Variants in MGAM2 observed in about 807,000 individuals in gnomAD.
MGAM2 encodes maltase-glucoamylase 2 (putative).
A neutral mutation model predicts 96.1 loss-of-function variants in MGAM2; 98 were observed. The ratio of observed to expected loss-of-function variants is 1.02; its 90% confidence interval spans 0.87 to 1.21. The LOEUF (loss-of-function observed/expected upper bound fraction) is 1.21. Ranked by LOEUF, MGAM2 falls within the 50% of genes most tolerant of loss-of-function variation. The pLI, the probability that MGAM2 is intolerant of heterozygous loss-of-function variation, is 0.00. For synonymous variants in MGAM2, 749 were observed against 414.8 expected, an observed-to-expected ratio of 1.81 and a Z score of -9.79; for missense variants, 2,055 against 1,182.4, an observed-to-expected ratio of 1.74 and a Z score of -10.82.
At chr7:142,150,601 C>G (rs892224644) in intron 15 of MGAM2, among the ~76,000 whole-genome samples, 1 of 152,070 alleles carries the variant, frequency 6.6e-6, no homozygotes, top group African/African-American at 2.4e-5. Context: ...GACCTCAACC[C>G]TGAACTTAGT....
chr7:142,169,749 T>C (rs181993300), intron 26 of MGAM2, among the ~76,000 whole-genome samples: 1 of 152,162 alleles, frequency 6.6e-6, no homozygotes, highest in Non-Finnish European at 1.5e-5. Context: ...CACATTTCTA[T>C]GCACATACAT....
In MGAM2 at chr7:142,199,994, T is replaced by C. The variant is rs1421584048; in HGVS notation, c.5137+26T>C. 8 of 620,298 alleles carry C rather than the reference T, an allele frequency of 1.3e-5. No individual in the cohort carries two copies. The East Asian group carries it at 1.4e-4, about 11-fold the overall frequency. 38.4% of individuals were successfully genotyped at this position (620,298 alleles called of 1,614,324 possible). Reference sequence around the variant, plus strand: ...GTGAGTATAAACTTTCCAGGGTCCCTGTACATCACTGAGAAAAATCATACC... The same window carrying C: ...GTGAGTATAAACTTTCCAGGGTCCCCGTACATCACTGAGAAAAATCATACC... On this transcript the variant is annotated intron_variant, in intron 45 of 47. Transcript: ENST00000477922.
chr7:142,186,115 T>C lies in MGAM2; in HGVS notation c.4114T>C (p.Leu1372=), dbSNP rs1354733180. The C allele has an allele frequency of 4.3e-6, 3 of 704,920 alleles. No homozygotes were observed. The highest frequency in any genetic ancestry group is 7.8e-6 in the Non-Finnish European group (3 of 384,884). 43.7% of individuals were successfully genotyped at this position (704,920 alleles called of 1,614,324 possible). A position where few individuals can be genotyped will look rare whatever the true frequency, so the allele number is the denominator to read the frequency against. ...AGAGAAGAGCTTGAAGTTTGATGGA[T>C]TGTGGATTGTAAGTGCACCCTTGGT... ...EPEKSLKFDG[L]WIDMNEPSNF... The change falls in exon 35 of 48, where the codon TTG becomes CTG. Residue 1372 remains leucine, a synonymous_variant. Transcript: ENST00000477922.
In MGAM2 at chr7:142,131,033, G is replaced by T; in HGVS notation, c.272G>T (p.Gly91Val). ...AGGTGCTTCTTCCCCTGGAACTGGG[G>T]CTATGAAGCCAGCAATGGCCATACA... The part of the protein sequence containing the change: ...VPRCFFPWNW[G>V]YEASNGHTNT... The change falls in exon 4 of 48, where the codon GGC becomes GTC. Residue 91 changes from glycine (G) to valine (V), a missense_variant. Physicochemically the swap from Gly to Val is moderately radical, Grantham distance 109 (BLOSUM62 -3). Coordinates refer to ENST00000477922, the MANE Select transcript of MGAM2 (RefSeq NM_001293626.2). 1 of 702,644 alleles carries T rather than the reference G, an allele frequency of 1.4e-6. No homozygotes were observed. Among genetic ancestry groups the T allele is most frequent in the South Asian group, 1.5e-5 (1 of 67,580 alleles). The allele number at this position is 702,644 out of a possible 1,614,324, so 43.5% of individuals were successfully genotyped here.
rs1229035123 is a variant in MGAM2 at position 142,167,371 on chromosome 7, C to A, written c.2912C>A (p.Ser971Tyr). Residue 971 changes from serine (S) to tyrosine (Y), a missense_variant, in exon 26 of 48, where the codon TCC becomes TAC. By Grantham distance (144) the Ser-to-Tyr change is moderately radical. Coordinates refer to ENST00000477922, the MANE Select transcript of MGAM2 (RefSeq NM_001293626.2). ...AACACCAGCATCACTGCAGACCTTT[C>A]CCTCCCGATGGCCCCTGAGTCAGCT... is the stretch of plus-strand genomic sequence containing the variant. Reference protein sequence around the residue: ...YLNTSITADLSLPMAPESAAA... With the variant: ...YLNTSITADLYLPMAPESAAA... 7.1e-6 allele frequency: 5 copies of A among 702,916 alleles called. No homozygotes were observed. In the East Asian group the frequency reaches 1.3e-4, roughly 19 times the overall value. The allele number at this position is 702,916 out of a possible 1,614,324, so 43.5% of individuals were successfully genotyped here.
At position 142,185,123 on chromosome 7, in the gene MGAM2, A is replaced by G. The variant is rs1237431889; in HGVS notation, c.3971A>G (p.His1324Arg). The G allele has an allele frequency of 2.8e-6, 2 of 702,998 alleles. No homozygotes were observed. Among genetic ancestry groups the G allele is most frequent in the Admixed American group, 4.0e-5 (2 of 50,026 alleles). The allele number at this position is 702,998 out of a possible 1,614,324, so 43.5% of individuals were successfully genotyped here. Reference protein sequence around the residue: ...PNVIVDGSLDHETQVKLYRAY... With the variant: ...PNVIVDGSLDRETQVKLYRAY... Reference sequence around the variant, plus strand: ...GTAATTGTAGATGGATCCCTTGACCATGAAACTCAGGTTAAGGTACAGTTG... The same window carrying G: ...GTAATTGTAGATGGATCCCTTGACCGTGAAACTCAGGTTAAGGTACAGTTG... The change falls in exon 34 of 48, where the codon CAT becomes CGT. Residue 1324 changes from histidine (H) to arginine (R), a missense_variant. Transcript: ENST00000477922.
intron 3 of MGAM2, among the ~76,000 whole-genome samples, chr7:142,123,278 G>C (rs1358403207): frequency 6.7e-6 from 1 of 150,238 alleles, no homozygotes; most frequent in African/African-American, 2.5e-5. Flanking sequence ...TCAAATTTTT[G>C]GGTATCTTCG....
chr7:142,204,465 C>G (rs898070624), intron 45 of MGAM2, among the ~76,000 whole-genome samples: 2 of 151,934 alleles, frequency 1.3e-5, no homozygotes, highest in Non-Finnish European at 2.9e-5. Context: ...ATAAGAAGCT[C>G]TAGGAGAGGC....
At chr7:142,217,523 T>C (rs1378022899) in intron 46 of MGAM2, among the ~76,000 whole-genome samples, 1 of 152,162 alleles carries the variant, frequency 6.6e-6, no homozygotes, top group Non-Finnish European at 1.5e-5. Context: ...TACAATAAAC[T>C]TATTTGTGGC....
chr7:142,210,739 G>A (rs919492144), intron 46 of MGAM2, among the ~76,000 whole-genome samples: 2 of 152,216 alleles, frequency 1.3e-5, no homozygotes, highest in African/African-American at 4.8e-5. Flanking sequence ...ACACCTGGGG[G>A]AAGGGGCTGC....
Position 142,196,805 on chromosome 7 carries a change from A to G in MGAM2, c.4621A>G (p.Ile1541Val), listed in dbSNP as rs1563289248. ...TCCATTTTCCAGAAACCACAACAAC[A>G]TCGGGACAAGGGTGAGGCAGTAGTT... ...FYPFSRNHNN[I>V]GTRRQDPVAW... is the part of the protein sequence containing the mutation. The change falls in exon 40 of 48, where the codon ATC becomes GTC. Residue 1541 changes from isoleucine (I) to valine (V), a missense_variant. By Grantham distance (29) the Ile-to-Val change is conservative (BLOSUM62 3). Coordinates refer to ENST00000477922, the MANE Select transcript of MGAM2 (RefSeq NM_001293626.2). The G allele has an allele frequency of 3.8e-6, 3 of 780,558 alleles. No individual in the cohort carries two copies. Among genetic ancestry groups the G allele is most frequent in the Non-Finnish European group, 7.2e-6 (3 of 418,826 alleles). The allele number at this position is 780,558 out of a possible 1,614,324, so 48.4% of individuals were successfully genotyped here. A position where few individuals can be genotyped will look rare whatever the true frequency, so the allele number is the denominator to read the frequency against.
chr7:142,156,251 T>C (rs529809422), intron 17 of MGAM2, among the ~76,000 whole-genome samples: 3 of 152,342 alleles, frequency 2.0e-5, no homozygotes, highest in Admixed American at 1.3e-4. Flanking sequence ...TGTCTGTATA[T>C]TACATAGCAT....
chr7:142,201,074 T>TC (rs1797211337), intron 45 of MGAM2, among the ~76,000 whole-genome samples: 1 of 119,016 alleles, frequency 8.4e-6, no homozygotes, highest in African/African-American at 3.6e-5. Context: ...CCTTTTTCTT[T>TC]TTTTTTTCTT....
At position 142,189,441 on chromosome 7, in the gene MGAM2, T is replaced by C. The variant is rs1263937337; in HGVS notation, c.4282T>C (p.Ser1428Pro). 1.3e-6 allele frequency: 1 copy of C among 784,410 alleles called. No individual in the cohort carries two copies. Among genetic ancestry groups the C allele is most frequent in the African/African-American group, 1.7e-5 (1 of 58,674 alleles). The allele number at this position is 784,410 out of a possible 1,614,324, so 48.6% of individuals were successfully genotyped here. A position where few individuals can be genotyped will look rare whatever the true frequency, so the allele number is the denominator to read the frequency against. ...GAGTCAGCAGATCCTGCCGGACAGC[T>C]CCCCCGTGGAGCACTACAACGTGCA... ...MESQQILPDS[S>P]PVEHYNVHNL... Residue 1428 changes from serine to proline, a missense_variant, in exon 37 of 48, where the codon TCC (serine) becomes CCC (proline). Coordinates refer to ENST00000477922, the MANE Select transcript of MGAM2 (RefSeq NM_001293626.2).
At chr7:142,167,942 G>A (rs988416006) in intron 26 of MGAM2, among the ~76,000 whole-genome samples, 7 of 152,100 alleles carry the variant, frequency 4.6e-5, no homozygotes, top group Non-Finnish European at 7.4e-5. Flanking sequence ...GGTAAAGGTC[G>A]GAAAGTAGAC....
intron 32 of MGAM2, among the ~76,000 whole-genome samples, chr7:142,177,619 G>A (rs1023738642): frequency 2.6e-5 from 4 of 152,144 alleles, no homozygotes; most frequent in African/African-American, 9.7e-5. Context: ...AGAACATGTG[G>A]TATTTGCATG....
intron 23 of MGAM2, among the ~76,000 whole-genome samples, chr7:142,164,388 AT>A (rs761086367): frequency 1.5e-4 from 23 of 152,204 alleles, no homozygotes; most frequent in Non-Finnish European, 2.9e-4. Flanking sequence ...GAAGTAATAC[AT>A]GTCAAATGCT....
rs566945779 is a variant in MGAM2 at position 142,134,143 on chromosome 7, C to T, written c.738C>T (p.Thr246=). The part of the protein sequence containing the change: ...KTWPIFTRDA[T]PTEGMINLYG... The stretch of plus-strand genomic sequence containing the variant: ...GGCCCATCTTCACCCGGGACGCTAC[C>T]CCCACCGAGGTGAGGTGGCTTTCCT... The change falls in exon 7 of 48, where the codon ACC becomes ACT. Residue 246 remains threonine, a synonymous_variant. Coordinates refer to ENST00000477922, the MANE Select transcript of MGAM2 (RefSeq NM_001293626.2). The T allele has an allele frequency of 6.3e-4, 469 of 745,340 alleles. 4 individuals are homozygous for T. Among genetic ancestry groups the T allele is most frequent in the Non-Finnish European group, 4.1e-4 (168 of 407,502 alleles). The allele number at this position is 745,340 out of a possible 1,614,324, so 46.2% of individuals were successfully genotyped here. A position where few individuals can be genotyped will look rare whatever the true frequency, so the allele number is the denominator to read the frequency against.
At chr7:142,114,059 T>A (rs1456674543) in intron 1 of MGAM2, among the ~76,000 whole-genome samples, 18 of 150,408 alleles carry the variant, frequency 1.2e-4, no homozygotes, top group Admixed American at 6.0e-4. Context: ...TGAACCTGGG[T>A]GGCGGAGGTT....
Sources: gnomAD v4.1 joint callset for allele counts (sites outside exome capture counted in the v4.1 genomes callset) on GRCh38, gnomAD v4.1.1 for gene constraint, MANE v1.5 for transcripts, NCBI Gene and HGNC (gene_info 2026-07-23, HGNC 2026-07-21) for gene names.